Variants in BLTP3A observed in about 807,000 individuals in gnomAD.
BLTP3A encodes ICBP90 binding protein 1.
the BLTP3A span, among the ~76,000 whole-genome samples, chr6:34,801,824 C>T: frequency 2.6e-5 from 4 of 152,074 alleles, no homozygotes; most frequent in South Asian, 2.1e-4. Context: ...CTGCAAGCTC[C>T]GCCTCCCGGT....
chr6:34,867,689 C>G, the BLTP3A span: 4 of 1,520,210 alleles, frequency 2.6e-6, no homozygotes, highest in African/African-American at 5.5e-5. Context: ...TTGTACTTGT[C>G]ACTGTGCTCT....
chr6:34,818,153 C>T, the BLTP3A span, among the ~76,000 whole-genome samples: 5 of 152,112 alleles, frequency 3.3e-5, no homozygotes, highest in East Asian at 3.9e-4. Context: ...CCACCGCGCC[C>T]GGCCAGATGT....
the BLTP3A span, among the ~76,000 whole-genome samples, chr6:34,849,079 A>G: frequency 0.14 from 21,323 of 148,500 alleles, 1,783 homozygotes; most frequent in African/African-American, 0.23. Context: ...GCTCATTGCA[A>G]CCTCCGCCTT....
the BLTP3A span, chr6:34,836,465 C>T: frequency 1.0e-6 from 1 of 976,520 alleles, no homozygotes; most frequent in Non-Finnish European, 1.5e-6. Context: ...GGTTGGCTTC[C>T]CTTAATCACA....
chr6:34,807,551 A>G, the BLTP3A span, among the ~76,000 whole-genome samples: 1 of 152,238 alleles, frequency 6.6e-6, no homozygotes, highest in South Asian at 2.1e-4. Flanking sequence ...ACTGTTGCGA[A>G]TTAAGAAAAG....
chr6:34,806,255 T>G, the BLTP3A span, among the ~76,000 whole-genome samples: 30 of 152,260 alleles, frequency 2.0e-4, no homozygotes, highest in African/African-American at 7.2e-4. Flanking sequence ...GTTCTTGCTC[T>G]TAAGGATCTC....
chr6:34,822,852 GAA>G, the BLTP3A span, among the ~76,000 whole-genome samples: 4 of 136,880 alleles, frequency 2.9e-5, no homozygotes, highest in African/African-American at 2.7e-5. Context: ...TCTGTTTCGG[GAA>G]AAAAAAAAAA....
At chr6:34,792,334 T>C in the BLTP3A span, 1 of 1,504,294 alleles carries the variant, frequency 6.6e-7, no homozygotes, top group Admixed American at 2.2e-5. Context: ...TCCTGGGCCC[T>C]TCCTAACCCT....
At chr6:34,868,976 C>G in the BLTP3A span, among the ~76,000 whole-genome samples, 1 of 151,730 alleles carries the variant, frequency 6.6e-6, no homozygotes, top group South Asian at 2.1e-4. Context: ...TACAATGAAC[C>G]CATTTACTCA....
the BLTP3A span, among the ~76,000 whole-genome samples, chr6:34,802,715 TCTGACAACTTTGTCTTCTG>T: frequency 6.6e-6 from 1 of 152,234 alleles, no homozygotes; most frequent in Non-Finnish European, 1.5e-5. Flanking sequence ...CATGCAAACA[TCTGACAACTTTGTCTTCTG>T]GTGCAGTGGT....
the BLTP3A span, among the ~76,000 whole-genome samples, chr6:34,833,286 C>T: frequency 6.6e-6 from 1 of 152,142 alleles, no homozygotes; most frequent in Non-Finnish European, 1.5e-5. Context: ...GCTCCTGGAA[C>T]TTCACATACC....
At chr6:34,828,623 C>T in the BLTP3A span, among the ~76,000 whole-genome samples, 1 of 151,902 alleles carries the variant, frequency 6.6e-6, no homozygotes, top group Non-Finnish European at 1.5e-5. Flanking sequence ...GGATTATTTC[C>T]AGATTTTTTG....
chr6:34,873,750 C>T, the BLTP3A span: 1 of 152,262 alleles, frequency 6.6e-6, no homozygotes, highest in East Asian at 1.9e-4. Flanking sequence ...TTCACCTTTC[C>T]ATACTGAAGG....
chr6:34,832,220 A>G, the BLTP3A span, among the ~76,000 whole-genome samples: 1 of 151,464 alleles, frequency 6.6e-6, no homozygotes, highest in Non-Finnish European at 1.5e-5. Context: ...CCTCAGGCTC[A>G]GGTGATCCTC....
At chr6:34,798,594 C>CTTT in the BLTP3A span, among the ~76,000 whole-genome samples, 32 of 94,492 alleles carry the variant, frequency 3.4e-4, no homozygotes, top group African/African-American at 1.4e-3. Context: ...TTCTTTCTTT[C>CTTT]TTTTTTTTTT....
At chr6:34,830,115 C>T in the BLTP3A span, among the ~76,000 whole-genome samples, 4 of 151,904 alleles carry the variant, frequency 2.6e-5, no homozygotes, top group African/African-American at 9.7e-5. Context: ...GCCTGGCCTC[C>T]CCTGGCTAAT....
At chr6:34,857,346 G>A in the BLTP3A span, 1 of 1,613,088 alleles carries the variant, frequency 6.2e-7, no homozygotes, top group Admixed American at 1.7e-5. Context: ...CCGCTGGACA[G>A]CCAAGTAAAA....
the BLTP3A span, among the ~76,000 whole-genome samples, chr6:34,860,597 A>G: frequency 6.6e-6 from 1 of 152,202 alleles, no homozygotes; most frequent in Non-Finnish European, 1.5e-5. Context: ...TTGCCTGACA[A>G]GACACAGTCC....
chr6:34,839,936 T>C, the BLTP3A span, among the ~76,000 whole-genome samples: 1 of 152,260 alleles, frequency 6.6e-6, no homozygotes, highest in African/African-American at 2.4e-5. Context: ...TGCCATGCCG[T>C]GCTGTGCCGT....
Sources: gnomAD v4.1 joint callset for allele counts (sites outside exome capture counted in the v4.1 genomes callset) on GRCh38, gnomAD v4.1.1 for gene constraint, MANE v1.5 for transcripts, NCBI Gene and HGNC (gene_info 2026-07-23, HGNC 2026-07-21) for gene names.